FARP1: variants seen among roughly 807,000 people sequenced by gnomAD.
The protein encoded by FARP1 is FERM, ARH/RhoGEF and pleckstrin domain protein 1, also known as FERM, ARHGEF and pleckstrin domain-containing protein 1.
In FARP1, 52 loss-of-function variants were observed where a neutral mutation model predicts 128.8. The observed-to-expected ratio is 0.40, with a 90% CI of 0.32 to 0.51. The LOEUF (loss-of-function observed/expected upper bound fraction) is 0.51. Among genes scored for constraint, FARP1 ranks in the 20% least tolerant of loss-of-function variants. The pLI, the probability that FARP1 is intolerant of heterozygous loss-of-function variation, is 0.45. For synonymous variants in FARP1, 580 were observed against 551.8 expected, an observed-to-expected ratio of 1.05 and a Z score of -0.72; for missense variants, 1,333 against 1,367.9, an observed-to-expected ratio of 0.97 and a Z score of 0.40.
At chr13:98,201,951 A>G (rs1225508026) in intron 1 of FARP1, among the ~76,000 whole-genome samples, 1 of 152,198 alleles carries the variant, frequency 6.6e-6, no homozygotes, top group Non-Finnish European at 1.5e-5. Context: ...CTCTGTTTGA[A>G]GTGTCTGGTT....
intron 7 of FARP1, 115 bp downstream of exon 7, chr13:98,384,959 G>A: frequency 1.5e-6 from 1 of 667,270 alleles, no homozygotes; most frequent in South Asian, 1.8e-5. Flanking sequence ...ACAACACAAA[G>A]CGTGAGGAAA....
intron 17 of FARP1, 51 bp from the exon 18 acceptor site, chr13:98,430,992 G>T: frequency 8.3e-7 from 1 of 1,205,104 alleles, no homozygotes; most frequent in Non-Finnish European, 1.2e-6. Flanking sequence ...GCAGAACACA[G>T]GTGCATCCCA....
At chr13:98,290,954 C>A (rs1885420981) in intron 2 of FARP1, among the ~76,000 whole-genome samples, 1 of 152,120 alleles carries the variant, frequency 6.6e-6, no homozygotes, top group South Asian at 2.1e-4. Context: ...ATGAAAGGAA[C>A]TTGAAATTTG....
rs143504696 is a variant in FARP1 at position 98,318,002 on chromosome 13, C to T, written c.172-25760C>T. ...TCTCTCCTTCCTCTTCCTCATCCTC[C>T]TCCTCCCTCTTCATCTCCTTCTTCC... is the stretch of plus-strand genomic sequence containing the variant. On this transcript the variant is annotated intron_variant, in intron 2 of 26. Coordinates refer to ENST00000319562, the MANE Select transcript of FARP1 (RefSeq NM_005766.4). Among the ~76,000 whole-genome samples, 9 of 149,666 alleles carry T rather than the reference C, an allele frequency of 6.0e-5. No individual in the cohort carries two copies. In the East Asian group the frequency reaches 1.8e-3, roughly 29 times the overall value.
chr13:98,251,336 T>C (rs1883311740), intron 2 of FARP1, among the ~76,000 whole-genome samples: 1 of 152,186 alleles, frequency 6.6e-6, no homozygotes, highest in African/African-American at 2.4e-5. Context: ...CTGTGCACTC[T>C]CAGGATGGTT....
chr13:98,180,838 A>G (rs1032414936), intron 1 of FARP1, among the ~76,000 whole-genome samples: 4 of 152,122 alleles, frequency 2.6e-5, no homozygotes, highest in African/African-American at 7.2e-5. Flanking sequence ...TCTTCACTTG[A>G]TAAGTATTTT....
rs146514996 is a variant in FARP1 at position 98,319,584 on chromosome 13, C to T, written c.172-24178C>T. ...GCAGTGAGCTGAGATTGCGCCACTGCACTCCAGCCTGGGCAACAGAGCAAG... is the reference window on the plus strand; with the variant it reads ...GCAGTGAGCTGAGATTGCGCCACTGTACTCCAGCCTGGGCAACAGAGCAAG... On this transcript the variant is annotated intron_variant, in intron 2 of 26. Coordinates refer to ENST00000319562, the MANE Select transcript of FARP1 (RefSeq NM_005766.4). Among the ~76,000 whole-genome samples the T allele has an allele frequency of 3.8e-3, 572 of 152,314 alleles. 13 individuals carry two copies. Among genetic ancestry groups the T allele is most frequent in the Admixed American group, 0.033 (511 of 15,312 alleles).
rs1233752371 is a variant in FARP1, at chr13:98,197,791, C to T, written c.-23-15429C>T. ...CTGGGTCTACAGGCACCCGCCACCA[C>T]GCCCGGCTAATTTTTTGTACTTTTT... On this transcript the variant is annotated intron_variant, in intron 1 of 26. Coordinates refer to ENST00000319562, the MANE Select transcript of FARP1 (RefSeq NM_005766.4). 5.9e-5 allele frequency among the ~76,000 whole-genome samples: 9 copies of T among 151,860 alleles called. No homozygotes were observed. In the East Asian group the frequency reaches 1.8e-3, roughly 30 times the overall value.
In FARP1 at chr13:98,240,198, G is replaced by C. The variant is rs548790339; in HGVS notation, c.171+26785G>C. ...TAAAGCATGAGTTATTAGCACAACC[G>C]ATTCAGGGTAGACGCACGTTTTTTG... On this transcript the variant is annotated intron_variant, in intron 2 of 26. Coordinates refer to ENST00000319562, the MANE Select transcript of FARP1 (RefSeq NM_005766.4). Among the ~76,000 whole-genome samples, 25 of 152,322 alleles carry C rather than the reference G, an allele frequency of 1.6e-4. No individual in the cohort carries two copies. The South Asian group carries it at 5.0e-3, about 30-fold the overall frequency.
At chr13:98,362,902 A>T (rs1888928909) in intron 3 of FARP1, among the ~76,000 whole-genome samples, 2 of 152,206 alleles carry the variant, frequency 1.3e-5, no homozygotes, top group Admixed American at 6.5e-5. Context: ...CATCGTATCC[A>T]TCAGTGCATT....
At chr13:98,194,153 G>C (rs1879421196) in intron 1 of FARP1, among the ~76,000 whole-genome samples, 1 of 151,894 alleles carries the variant, frequency 6.6e-6, no homozygotes, top group South Asian at 2.1e-4. Context: ...TTTTGCTCTT[G>C]TTGCCCAGGC....
intron 17 of FARP1, 61 bp downstream of exon 17, chr13:98,424,711 A>G (rs7984394): frequency 0.3 from 345,941 of 1,167,968 alleles, 55,686 homozygotes; most frequent in African/African-American, 0.52. Flanking sequence ...CGGGGCTGCC[A>G]TGGGCATAGG....
At chr13:98,182,326 T>C (rs973399736) in intron 1 of FARP1, among the ~76,000 whole-genome samples, 3 of 152,176 alleles carry the variant, frequency 2.0e-5, no homozygotes, top group Non-Finnish European at 4.4e-5. Context: ...TTTATTTATT[T>C]AATCGATTTT....
At chr13:98,242,710 G>C (rs929422208) in intron 2 of FARP1, among the ~76,000 whole-genome samples, 7 of 152,158 alleles carry the variant, frequency 4.6e-5, no homozygotes, top group Non-Finnish European at 8.8e-5. Context: ...AATTTTGAAA[G>C]ATGTAAGGCT....
chr13:98,175,904 G>A (rs1877976995), intron 1 of FARP1: 1 of 506,434 alleles, frequency 2.0e-6, no homozygotes, highest in East Asian at 3.2e-5. Context: ...TCCCGTTAAG[G>A]CTTAATAGCA....
At chr13:98,309,184 G>T (rs1236297747) in intron 2 of FARP1, among the ~76,000 whole-genome samples, 68 of 49,298 alleles carry the variant, frequency 1.4e-3, no homozygotes, top group Middle Eastern at 0.023. Context: ...TTTTTTTTTT[G>T]GAGACGGAGT....
chr13:98,253,085 T>G (rs1413837303), intron 2 of FARP1, among the ~76,000 whole-genome samples: 1 of 152,212 alleles, frequency 6.6e-6, no homozygotes, highest in Non-Finnish European at 1.5e-5. Context: ...GGTGCATTAA[T>G]AGCTGTATGT....
At chr13:98,285,813 G>T (rs570701367) in intron 2 of FARP1, among the ~76,000 whole-genome samples, 3 of 152,132 alleles carry the variant, frequency 2.0e-5, no homozygotes, top group African/African-American at 4.8e-5. Context: ...TTCAACCATC[G>T]TTTGGGAGTA....
chr13:98,269,854 G>A (rs1236656016), intron 2 of FARP1, among the ~76,000 whole-genome samples: 3 of 152,154 alleles, frequency 2.0e-5, no homozygotes, highest in Admixed American at 6.5e-5. Flanking sequence ...AGTGGCTCAC[G>A]CCTGTAATTC....
Sources: gnomAD v4.1 joint callset for allele counts (sites outside exome capture counted in the v4.1 genomes callset) on GRCh38, gnomAD v4.1.1 for gene constraint, MANE v1.5 for transcripts, NCBI Gene and HGNC (gene_info 2026-07-23, HGNC 2026-07-21) for gene names.